DENND5A: variants seen among roughly 807,000 people sequenced by gnomAD.
DENND5A encodes DENN domain-containing protein 5A.
In DENND5A, 64 loss-of-function variants were observed where a neutral mutation model predicts 140.3. That is an observed-to-expected ratio of 0.46 (90% CI 0.37 to 0.56). DENND5A has a LOEUF of 0.56. Among genes scored for constraint, DENND5A ranks in the 20% least tolerant of loss-of-function variants. The pLI is 0.00. For synonymous variants in DENND5A, 605 were observed against 607.7 expected (o/e 1.00, Z 0.07); for missense variants, 1,292 against 1,593.8 (o/e 0.81, Z 3.22).
At position 9,170,526 on chromosome 11, in the gene DENND5A, A is replaced by G. The variant is rs906207532; in HGVS notation, c.2057+101T>C. On this transcript the variant is annotated intron_variant, in intron 9 of 22. Transcript: ENST00000328194. ...TGGGTCTTCTCCATATCTGCTTTAG[A>G]AAAGTACAAGGTCTTCTAGGGGTAA... 12 of 1,424,868 alleles carry G rather than the reference A, an allele frequency of 8.4e-6. No individual in the cohort carries two copies. The East Asian group carries it at 2.8e-4, about 33-fold the overall frequency. 88.3% of individuals were successfully genotyped at this position (1,424,868 alleles called of 1,614,324 possible). A position where few individuals can be genotyped will look rare whatever the true frequency, so the allele number is the denominator to read the frequency against.
chr11:9,245,044 G>A (rs1851407577), intron 1 of DENND5A, among the ~76,000 whole-genome samples: 1 of 151,702 alleles, frequency 6.6e-6, no homozygotes, highest in Non-Finnish European at 1.5e-5. Context: ...CAGCACTTTG[G>A]GAGGCCAAGG....
intron 1 of DENND5A, among the ~76,000 whole-genome samples, chr11:9,254,594 G>A (rs1261902703): frequency 6.6e-6 from 1 of 152,180 alleles, no homozygotes; most frequent in Admixed American, 6.6e-5. Context: ...GGGCTTCAGA[G>A]CAAAGATGCC....
intron 5 of DENND5A, among the ~76,000 whole-genome samples, chr11:9,185,063 C>T (rs1422302870): frequency 6.6e-6 from 1 of 152,064 alleles, no homozygotes; most frequent in Admixed American, 6.6e-5. Context: ...TTGTGGCACA[C>T]ACCTGTAATC....
At chr11:9,255,979 T>C (rs1208995912) in intron 1 of DENND5A, among the ~76,000 whole-genome samples, 1 of 146,328 alleles carries the variant, frequency 6.8e-6, no homozygotes, top group African/African-American at 2.6e-5. Flanking sequence ...TAAGCCAAGA[T>C]CGCGCCATTG....
At chr11:9,177,966 A>G in intron 8 of DENND5A, 166 bp downstream of exon 8, 1 of 651,232 alleles carries the variant, frequency 1.5e-6, no homozygotes, top group East Asian at 2.6e-5. Context: ...TTAAAGGATG[A>G]GAAGAAGATA....
At chr11:9,205,247 T>C (rs111694670) in intron 3 of DENND5A, among the ~76,000 whole-genome samples, 13 of 152,254 alleles carry the variant, frequency 8.5e-5, no homozygotes, top group African/African-American at 2.6e-4. Context: ...AGGGGTTATA[T>C]AAAGAAACTT....
chr11:9,263,890 T>C (rs571043806), intron 1 of DENND5A, among the ~76,000 whole-genome samples: 104 of 150,196 alleles, frequency 6.9e-4, no homozygotes, highest in East Asian at 2.6e-3. Context: ...GGACTTTTTC[T>C]GGTGCCCAAA....
In DENND5A at chr11:9,169,870, T is replaced by C; in HGVS notation, c.2137A>G (p.Asn713Asp). 1 of 1,610,358 alleles carries C rather than the reference T, an allele frequency of 6.2e-7. No individual in the cohort carries two copies. ...AGGTATCTTACCTCCCTCTGGTCAT[T>C]ATCTAAACGCAGGTGTTCTGTGTGC... The part of the protein sequence containing the change: ...KQHTEHLRLD[N>D]DQREKYIQEA... Residue 713 changes from asparagine (N) to aspartate (D), a missense_variant, in exon 10 of 23, where the codon AAT becomes GAT. This residue lies in a region of DENND5A where 199 missense variants were observed against 189.1 expected (regional missense o/e 1.05). Transcript: ENST00000328194.
intron 1 of DENND5A, among the ~76,000 whole-genome samples, chr11:9,228,755 C>A (rs1168266522): frequency 2.0e-5 from 3 of 151,944 alleles, no homozygotes; most frequent in Non-Finnish European, 4.4e-5. Flanking sequence ...GGTTCAGGGA[C>A]CTTCTGGGTT....
At chr11:9,158,222 A>C (rs1847872603) in intron 12 of DENND5A, among the ~76,000 whole-genome samples, 1 of 152,190 alleles carries the variant, frequency 6.6e-6, no homozygotes, top group African/African-American at 2.4e-5. Context: ...TCGAATCCAC[A>C]CAAGGACCCA....
intron 1 of DENND5A, among the ~76,000 whole-genome samples, chr11:9,241,165 T>C (rs1851219334): frequency 6.6e-6 from 1 of 152,216 alleles, no homozygotes; most frequent in African/African-American, 2.4e-5. Flanking sequence ...GCCAAAGCTC[T>C]ACAGTTATTC....
At chr11:9,156,634 A>T (rs1050396038) in intron 12 of DENND5A, among the ~76,000 whole-genome samples, 7 of 151,870 alleles carry the variant, frequency 4.6e-5, no homozygotes, top group African/African-American at 1.7e-4. Flanking sequence ...CTCAAAAAAA[A>T]AAAAAAAAGA....
chr11:9,217,854 C>G (rs1260191842), intron 1 of DENND5A, among the ~76,000 whole-genome samples: 1 of 152,162 alleles, frequency 6.6e-6, no homozygotes, highest in Non-Finnish European at 1.5e-5. Context: ...TCATTTCCAA[C>G]AAAGTATCTT....
At chr11:9,168,901 A>C (rs1222638252) in intron 10 of DENND5A, among the ~76,000 whole-genome samples, 2 of 152,210 alleles carry the variant, frequency 1.3e-5, no homozygotes, top group Non-Finnish European at 2.9e-5. Flanking sequence ...CTTCTTTGCA[A>C]CTAAGTAAGG....
At chr11:9,174,120 A>AAAAAAAAAAAAAAAAAAAAAT (rs1848471125) in intron 8 of DENND5A, among the ~76,000 whole-genome samples, 1 of 149,760 alleles carries the variant, frequency 6.7e-6, no homozygotes, top group African/African-American at 2.4e-5. Flanking sequence ...AAAAAAAAAA[A>AAAAAAAAAAAAAAAAAAAAAT]AAAAAAAAAG....
intron 4 of DENND5A, among the ~76,000 whole-genome samples, chr11:9,194,827 C>A (rs1210323674): frequency 1.3e-5 from 2 of 151,152 alleles, no homozygotes; most frequent in Non-Finnish European, 2.9e-5. Context: ...TCAAGTGATT[C>A]TCCTGCCTCA....
At chr11:9,198,047 A>C (rs1042506400) in intron 4 of DENND5A, among the ~76,000 whole-genome samples, 1 of 152,190 alleles carries the variant, frequency 6.6e-6, no homozygotes, top group Non-Finnish European at 1.5e-5. Context: ...TGCTAGCTGA[A>C]CTTACTACTG....
chr11:9,167,124 A>C lies in DENND5A; in HGVS notation c.2152-1157T>G, dbSNP rs557111373. Among the ~76,000 whole-genome samples, 550 of 152,286 alleles carry C rather than the reference A, an allele frequency of 3.6e-3. 3 individuals are homozygous for C. Among genetic ancestry groups the C allele is most frequent in the African/African-American group, 0.013 (524 of 41,554 alleles). ...TTCTTCATATGTTGTTTAACACAGA[A>C]CCCACATCAATGCAGTAAAATGCAA... On this transcript the variant is annotated intron_variant, in intron 10 of 22. Coordinates refer to ENST00000328194, the MANE Select transcript of DENND5A (RefSeq NM_015213.4).
rs1375044093 is a variant in DENND5A, at chr11:9,165,808, C to A, written c.2283+28G>T. The A allele has an allele frequency of 3.7e-6, 6 of 1,612,548 alleles. No individual in the cohort carries two copies. In the South Asian group the frequency reaches 6.6e-5, roughly 18 times the overall value. ...TTACCTTGGCTGCTAACAGAAATAG[C>A]ACACATACAGAGATGTCCACAGCTT... is the stretch of plus-strand genomic sequence containing the variant. On this transcript the variant is annotated intron_variant, in intron 11 of 22. Transcript: ENST00000328194.
Sources: allele counts gnomAD v4.1 joint callset (sites outside exome capture counted in the v4.1 genomes callset), GRCh38; gene constraint gnomAD v4.1.1; regional missense constraint gnomAD v4.1.1; transcripts MANE v1.5; gene names NCBI Gene and HGNC (gene_info 2026-07-23, HGNC 2026-07-21).